MYO10: variants seen among roughly 807,000 people sequenced by gnomAD.
MYO10 encodes myosin X.
Under a neutral mutation model 257.3 loss-of-function variants are expected in MYO10, and 133 were observed. That is an observed-to-expected ratio of 0.52 (90% CI 0.45 to 0.60). MYO10 has a LOEUF of 0.60. MYO10 is among the 20% of genes least tolerant of loss of function. The probability of loss-of-function intolerance (pLI) is 0.00; values close to 1 mark genes in which losing one functional copy is unlikely to be tolerated. For missense variants in MYO10, 2,399 were observed against 2,635.7 expected (o/e 0.91, Z 1.97); for synonymous variants, 1,104 against 1,028.6 (o/e 1.07, Z -1.40).
At position 16,703,143 on chromosome 5, in the gene MYO10, C is replaced by T; in HGVS notation, c.2292G>A (p.Lys764=). The change falls in exon 23 of 41, where the codon AAG becomes AAA. Residue 764 remains lysine, a synonymous_variant. Coordinates refer to ENST00000513610, the MANE Select transcript of MYO10 (RefSeq NM_012334.3). ...GTATTATCACCACACAATAAAGGAC[C>T]TTTCTGTATTGTTTTCTGAAAATGA... ...LGFLARKQYR[K]VLYCVVIIQK... is the part of the protein sequence containing the mutation. The T allele has an allele frequency of 1.4e-5, 22 of 1,594,810 alleles. No homozygotes were observed. The highest frequency in any genetic ancestry group is 2.2e-5 in the East Asian group (1 of 44,618).
intron 19 of MYO10, among the ~76,000 whole-genome samples, chr5:16,745,007 T>C (rs969679904): frequency 6.6e-6 from 1 of 152,240 alleles, no homozygotes; most frequent in Non-Finnish European, 1.5e-5. Flanking sequence ...GAGCAGCGAA[T>C]GGAAGATGCA....
chr5:16,701,499 C>A lies in MYO10; in HGVS notation c.2896G>T (p.Glu966Ter). 1 of 1,613,958 alleles carries A rather than the reference C, an allele frequency of 6.2e-7. No individual in the cohort carries two copies. Residue 966 changes from glutamate to a stop codon, truncating the protein, a stop_gained, in exon 25 of 41, where the codon GAA (glutamate) becomes TAA (stop). Coordinates refer to ENST00000513610, the MANE Select transcript of MYO10 (RefSeq NM_012334.3). LOFTEE classifies it high-confidence loss of function. This position sits in a 1 kb window ranked among gnomAD's most constrained non-coding sequence, Gnocchi z 8.1. Reference sequence around the variant, plus strand: ...CTCTCAGCCAGCTCGCTGGAAAATTCGCTTCCCACCGACAGGGACCGCTCG... The same window carrying A: ...CTCTCAGCCAGCTCGCTGGAAAATTAGCTTCCCACCGACAGGGACCGCTCG... ...NIERSLSVGSEFSSELAESAC... is the reference protein window; with the variant it reads ...NIERSLSVGS
chr5:16,804,596 C>T (rs1003193937), intron 3 of MYO10, among the ~76,000 whole-genome samples: 12 of 152,092 alleles, frequency 7.9e-5, no homozygotes, highest in Non-Finnish European at 1.6e-4. Context: ...ATTATGGTCG[C>T]GCGCAGAGGC....
rs75336984 is a variant in MYO10 at position 16,768,281 on chromosome 5, C to A, written c.1060+793G>T. On this transcript the variant is annotated intron_variant, in intron 10 of 40. Coordinates refer to ENST00000513610, the MANE Select transcript of MYO10 (RefSeq NM_012334.3). ...ATGGTAACTCATTTTATCTTGACAG[C>A]AAATCTCTGAGACACTGTACAGGTG... Among the ~76,000 whole-genome samples the A allele has an allele frequency of 8.2e-4, 125 of 152,222 alleles. 1 individual carries two copies. In the East Asian group the frequency reaches 0.023, roughly 28 times the overall value.
chr5:16,701,043 A>G lies in MYO10; in HGVS notation c.3352T>C (p.Ser1118Pro), dbSNP rs1409801369. The stretch of plus-strand genomic sequence containing the variant: ...CCCACAGAGCAGCGGTAGTCGGGGG[A>G]CCACTGGCTGCCGTAGGAGTTGGAG... ...TFSNSYGSQW[S>P]PDYRCSVGTY... The change falls in exon 25 of 41, where the codon TCC becomes CCC. Residue 1118 changes from serine to proline, a missense_variant. Ser to Pro is a moderately conservative substitution (Grantham distance 74). Transcript: ENST00000513610. This position sits in a 1 kb window ranked among gnomAD's most constrained non-coding sequence, Gnocchi z 8.1. The G allele has an allele frequency of 2.0e-5, 31 of 1,565,004 alleles. No individual in the cohort carries two copies. The highest frequency in any genetic ancestry group is 2.4e-5 in the Non-Finnish European group (28 of 1,155,294).
rs1383837402 is a variant in MYO10, at chr5:16,661,916, A to G, written c.*4776T>C. ...CACAAATACACAGAGATCTGTTTCA[A>G]TAAAACTTTATTCACAAAAACAGGT... is the stretch of plus-strand genomic sequence containing the variant. On this transcript the variant is annotated 3_prime_UTR_variant, in exon 41 of 41. Transcript: ENST00000513610. 1.3e-5 allele frequency: 2 copies of G among 152,210 alleles called. No individual in the cohort carries two copies. Among genetic ancestry groups the G allele is most frequent in the African/African-American group, 4.8e-5 (2 of 41,454 alleles). 9.4% of individuals were successfully genotyped at this position (152,210 alleles called of 1,614,324 possible).
chr5:16,677,165 G>C (rs1210784293), intron 33 of MYO10, among the ~76,000 whole-genome samples: 1 of 152,106 alleles, frequency 6.6e-6, no homozygotes, highest in East Asian at 1.9e-4. Flanking sequence ...AAACAGAAAA[G>C]TTGGAGGAGA....
chr5:16,785,902 A>G (rs942459961), intron 4 of MYO10, among the ~76,000 whole-genome samples: 1 of 152,008 alleles, frequency 6.6e-6, no homozygotes, highest in African/African-American at 2.4e-5. Context: ...AAAAAACAAA[A>G]AACCCGGCAG....
intron 25 of MYO10, 105 bp from the exon 26 acceptor site, chr5:16,699,678 T>C: frequency 2.0e-6 from 3 of 1,473,524 alleles, no homozygotes; most frequent in Non-Finnish European, 2.8e-6. Flanking sequence ...ATACAGCTAC[T>C]CAAGAGGCTG....
chr5:16,677,570 C>T (rs1369684890), intron 33 of MYO10, among the ~76,000 whole-genome samples: 5 of 150,790 alleles, frequency 3.3e-5, no homozygotes. Context: ...CGCCTGCCAC[C>T]ACACCCAGCT....
At chr5:16,833,845 A>G (rs1392640107) in intron 2 of MYO10, among the ~76,000 whole-genome samples, 4 of 152,186 alleles carry the variant, frequency 2.6e-5, no homozygotes, top group Admixed American at 2.0e-4. Context: ...AGTATTGTAC[A>G]CATTTAGCAC....
intron 6 of MYO10, among the ~76,000 whole-genome samples, chr5:16,781,488 C>T (rs1456138236): frequency 6.6e-6 from 1 of 152,154 alleles, no homozygotes; most frequent in Non-Finnish European, 1.5e-5. Flanking sequence ...CCTGCCTCAG[C>T]CTCCCAAGTA....
intron 19 of MYO10, among the ~76,000 whole-genome samples, chr5:16,751,676 G>A (rs1302834510): frequency 4.0e-5 from 6 of 149,590 alleles, no homozygotes; most frequent in East Asian, 3.9e-4. Flanking sequence ...TAGTAGAGAC[G>A]AGGTTTCACC....
chr5:16,696,045 GC>G (rs1164896600), intron 26 of MYO10, among the ~76,000 whole-genome samples: 1 of 152,192 alleles, frequency 6.6e-6, no homozygotes, highest in African/African-American at 2.4e-5. Context: ...GGAAAACTGT[GC>G]AAAATTATTC....
chr5:16,893,196 C>CAAAAAAAAAAAAAAAAAA (rs59761183), intron 1 of MYO10, among the ~76,000 whole-genome samples: 28 of 69,562 alleles, frequency 4.0e-4, no homozygotes, highest in Non-Finnish European at 7.0e-4. Context: ...GACTCTGTCT[C>CAAAAAAAAAAAAAAAAAA]AAAAAAAAAA....
At chr5:16,751,515 T>C (rs61691383) in intron 19 of MYO10, among the ~76,000 whole-genome samples, 3,414 of 152,216 alleles carry the variant, frequency 0.022, 141 homozygotes, top group African/African-American at 0.077. Flanking sequence ...AGAGTCTCAC[T>C]CTGTCGCCCA....
At chr5:16,927,615 C>T (rs1175518489) in intron 1 of MYO10, among the ~76,000 whole-genome samples, 3 of 152,150 alleles carry the variant, frequency 2.0e-5, no homozygotes, top group South Asian at 4.1e-4. Flanking sequence ...TGAGCCACCG[C>T]GCCCGGCCTT....
chr5:16,698,434 A>G (rs1393098575), intron 26 of MYO10, among the ~76,000 whole-genome samples: 1 of 151,816 alleles, frequency 6.6e-6, no homozygotes, highest in African/African-American at 2.4e-5. Flanking sequence ...AAGGCCCCTA[A>G]GTGTTAAGGT....
intron 2 of MYO10, among the ~76,000 whole-genome samples, chr5:16,852,050 C>CAAAAA (rs70943811): frequency 2.1e-4 from 9 of 42,572 alleles, no homozygotes; most frequent in South Asian, 3.5e-3. Flanking sequence ...GACTCCATCT[C>CAAAAA]AAAAAAAAAA....
Sources: gnomAD v4.1 joint callset for allele counts (sites outside exome capture counted in the v4.1 genomes callset) on GRCh38, gnomAD v4.1.1 for gene constraint, Gnocchi (gnomAD v3.1) non-coding constraint, MANE v1.5 for transcripts, NCBI Gene and HGNC (gene_info 2026-07-23, HGNC 2026-07-21) for gene names.